KCNK13: variants seen among roughly 807,000 people sequenced by gnomAD.
The protein encoded by KCNK13 is potassium channel subfamily K member 13.
A neutral mutation model predicts 23.4 loss-of-function variants in KCNK13; 12 were observed. The observed-to-expected ratio is 0.51, with a 90% CI of 0.33 to 0.83. KCNK13 has a LOEUF of 0.83. KCNK13 is among the 40% of genes least tolerant of loss of function. The pLI is 0.02. For synonymous variants in KCNK13, 231 were observed against 229.5 expected (o/e 1.01, Z -0.06); for missense variants, 463 against 556.3 (o/e 0.83, Z 1.69).
At chr14:90,088,904 G>C (rs1889312282) in intron 1 of KCNK13, among the ~76,000 whole-genome samples, 1 of 152,150 alleles carries the variant, frequency 6.6e-6, no homozygotes, top group South Asian at 2.1e-4. Context: ...CTCTTTGCTT[G>C]CCACCATCCA....
At position 90,157,387 on chromosome 14, in the gene KCNK13, G is replaced by A. The variant is rs78102586; in HGVS notation, c.335-26724G>A. 5.2e-3 allele frequency among the ~76,000 whole-genome samples: 787 copies of A among 152,120 alleles called. 7 individuals are homozygous for A. Among genetic ancestry groups the A allele is most frequent in the African/African-American group, 0.018 (743 of 41,488 alleles). On this transcript the variant is annotated intron_variant, in intron 1 of 1. Coordinates refer to ENST00000282146, the MANE Select transcript of KCNK13 (RefSeq NM_022054.4). ...GTTGTAACCACGAAAAAAAAGTGTC[G>A]GCATTTATTTAGTTTTTAATCTTTT...
intron 1 of KCNK13, among the ~76,000 whole-genome samples, chr14:90,165,300 G>A (rs1359135585): frequency 3.9e-5 from 6 of 152,290 alleles, no homozygotes; most frequent in East Asian, 3.9e-4. Context: ...GTGCTGATCA[G>A]GGTGGGGCTG....
chr14:90,092,935 G>A (rs1411207060), intron 1 of KCNK13, among the ~76,000 whole-genome samples: 16 of 105,400 alleles, frequency 1.5e-4, no homozygotes, highest in African/African-American at 2.3e-4. Context: ...AAAAAAAAAA[G>A]CATCACGATA....
intron 1 of KCNK13, among the ~76,000 whole-genome samples, chr14:90,082,681 A>G (rs2140396028): frequency 6.6e-6 from 1 of 152,340 alleles, no homozygotes; most frequent in South Asian, 2.1e-4. Flanking sequence ...CAGTTGATGG[A>G]CATTTACATT....
At chr14:90,136,220 G>A (rs1889935181) in intron 1 of KCNK13, among the ~76,000 whole-genome samples, 1 of 152,136 alleles carries the variant, frequency 6.6e-6, no homozygotes, top group African/African-American at 2.4e-5. Flanking sequence ...CCTCTGGCCT[G>A]CTGTTTCTGC....
chr14:90,081,038 A>G (rs1397265481), intron 1 of KCNK13, among the ~76,000 whole-genome samples: 1 of 152,258 alleles, frequency 6.6e-6, no homozygotes, highest in South Asian at 2.1e-4. Flanking sequence ...GCCAGAAGAA[A>G]GAGTCTCTTT....
chr14:90,098,642 G>A (rs1477319541), intron 1 of KCNK13, among the ~76,000 whole-genome samples: 1 of 150,448 alleles, frequency 6.6e-6, no homozygotes, highest in Non-Finnish European at 1.5e-5. Context: ...GACAGAGTGA[G>A]ACTCGGTCTC....
chr14:90,092,912 CAAAAA>C (rs34122207), intron 1 of KCNK13, among the ~76,000 whole-genome samples: 46 of 78,302 alleles, frequency 5.9e-4, no homozygotes, highest in South Asian at 4.2e-3. Flanking sequence ...ACCCTGTCTC[CAAAAA>C]AAAAAAAAAA....
chr14:90,144,542 G>T (rs1036683674), intron 1 of KCNK13, among the ~76,000 whole-genome samples: 2 of 122,428 alleles, frequency 1.6e-5, no homozygotes, highest in Non-Finnish European at 1.6e-5. Flanking sequence ...TGTCACCCAG[G>T]CTGGAGTGTA....
chr14:90,096,839 A>G (rs574271214), intron 1 of KCNK13, among the ~76,000 whole-genome samples: 2 of 152,242 alleles, frequency 1.3e-5, no homozygotes, highest in African/African-American at 4.8e-5. Flanking sequence ...TTGGCTGCTG[A>G]TCACCACCCC....
intron 1 of KCNK13, among the ~76,000 whole-genome samples, chr14:90,166,431 C>T (rs1289719771): frequency 2.0e-5 from 3 of 152,176 alleles, no homozygotes; most frequent in African/African-American, 4.8e-5. Flanking sequence ...GGTTGCCGGG[C>T]GCAGTGGCTC....
chr14:90,149,295 G>T (rs1890108531), intron 1 of KCNK13, among the ~76,000 whole-genome samples: 1 of 152,194 alleles, frequency 6.6e-6, no homozygotes, highest in Non-Finnish European at 1.5e-5. Flanking sequence ...GGCAGAGGTT[G>T]CAGTAAGCTG....
intron 1 of KCNK13, among the ~76,000 whole-genome samples, chr14:90,130,535 G>C (rs1484868248): frequency 6.6e-6 from 1 of 151,802 alleles, no homozygotes; most frequent in Non-Finnish European, 1.5e-5. Context: ...AGTGTTGGCC[G>C]GGCACAGTCG....
intron 1 of KCNK13, among the ~76,000 whole-genome samples, chr14:90,183,562 CT>C (rs1388476284): frequency 2.6e-5 from 4 of 152,214 alleles, no homozygotes; most frequent in African/African-American, 9.6e-5. Context: ...TAGCACCACA[CT>C]TACCACACAA....
rs142074618 is a variant in KCNK13, at chr14:90,130,783, C to A, written c.335-53328C>A. Among the ~76,000 whole-genome samples the A allele has an allele frequency of 8.3e-3, 1,256 of 152,198 alleles. 21 individuals are homozygous for A. Among genetic ancestry groups the A allele is most frequent in the African/African-American group, 0.029 (1,203 of 41,542 alleles). ...GAGCCGAGATCGCACCACTGCACTC[C>A]AGCCTGGGCAACAAGAGCGAAACTC... On this transcript the variant is annotated intron_variant, in intron 1 of 1. Transcript: ENST00000282146.
intron 1 of KCNK13, among the ~76,000 whole-genome samples, chr14:90,114,526 C>G (rs562402786): frequency 2.6e-5 from 4 of 152,358 alleles, no homozygotes; most frequent in Admixed American, 6.5e-5. Flanking sequence ...GAAATTCCTT[C>G]GTTCCTGGGA....
chr14:90,185,035 A>C lies in KCNK13; in HGVS notation c.*32A>C. 2 of 1,508,518 alleles carry C rather than the reference A, an allele frequency of 1.3e-6. No homozygotes were observed. The highest frequency in any genetic ancestry group is 1.8e-6 in the Non-Finnish European group (2 of 1,130,570). 93.4% of individuals were successfully genotyped at this position (1,508,518 alleles called of 1,614,324 possible). A position where few individuals can be genotyped will look rare whatever the true frequency, so the allele number is the denominator to read the frequency against. On this transcript the variant is annotated 3_prime_UTR_variant, in exon 2 of 2. Coordinates refer to ENST00000282146, the MANE Select transcript of KCNK13 (RefSeq NM_022054.4). ...GGAGTGGATGCTGGGCAGAGGCCAG[A>C]GTAGAATGGAGGATGATTGCCGCCC...
At chr14:90,089,502 A>G (rs1889317970) in intron 1 of KCNK13, among the ~76,000 whole-genome samples, 1 of 152,240 alleles carries the variant, frequency 6.6e-6, no homozygotes, top group Admixed American at 6.5e-5. Context: ...GAAATAGAGC[A>G]TAAAGTTTGG....
Position 90,062,228 on chromosome 14 carries a change from G to C in KCNK13, c.23G>C (p.Trp8Ser). Residue 8 changes from tryptophan to serine, a missense_variant, in exon 1 of 2, where the codon TGG (tryptophan) becomes TCG (serine). Transcript: ENST00000282146. The surrounding 1 kb of genome is among the most constrained non-coding windows in gnomAD (Gnocchi z 4.5). ...GCCATGGCTGGCCGGGGTTTCAGCTGGGGCCCGGGCCACCTGAACGAGGAC... is the reference window on the plus strand; with the variant it reads ...GCCATGGCTGGCCGGGGTTTCAGCTCGGGCCCGGGCCACCTGAACGAGGAC... MAGRGFS[W>S]GPGHLNEDNA... The C allele has an allele frequency of 6.7e-7, 1 of 1,489,252 alleles. No homozygotes were observed. Among genetic ancestry groups the C allele is most frequent in the Non-Finnish European group, 8.9e-7 (1 of 1,126,922 alleles). 92.3% of individuals were successfully genotyped at this position (1,489,252 alleles called of 1,614,324 possible). A position where few individuals can be genotyped will look rare whatever the true frequency, so the allele number is the denominator to read the frequency against.
Sources: allele counts gnomAD v4.1 joint callset (sites outside exome capture counted in the v4.1 genomes callset), GRCh38; gene constraint gnomAD v4.1.1; non-coding constraint Gnocchi (gnomAD v3.1); transcripts MANE v1.5; gene names NCBI Gene and HGNC (gene_info 2026-07-23, HGNC 2026-07-21).